The following NME7 variants were observed in gnomAD, a reference collection of about 807,000 sequenced individuals.
NME7 encodes the protein NME/NM23 family member 7, also known as nucleoside diphosphate kinase 7.
Under a neutral mutation model 49.1 loss-of-function variants are expected in NME7, and 41 were observed. The observed-to-expected ratio is 0.83, with a 90% CI of 0.65 to 1.08. NME7 has a LOEUF of 1.08. NME7 is among the 50% of genes least tolerant of loss of function. The pLI is 0.00. For missense variants in NME7, 423 were observed against 463.4 expected (o/e 0.91, Z 0.80); for synonymous variants, 139 against 150.6 (o/e 0.92, Z 0.56).
chr1:169,218,767 C>T (rs1159633858), intron 10 of NME7, among the ~76,000 whole-genome samples: 4 of 148,830 alleles, frequency 2.7e-5, no homozygotes, highest in Non-Finnish European at 4.4e-5. Flanking sequence ...AAATCCTTTG[C>T]AGAGAATACC....
intron 10 of NME7, among the ~76,000 whole-genome samples, chr1:169,198,384 A>G (rs1173661444): frequency 6.6e-6 from 1 of 152,104 alleles, no homozygotes; most frequent in African/African-American, 2.4e-5. Context: ...CTGAAAACAT[A>G]TATTCCCACA....
At chr1:169,243,039 A>C (rs1034459058) in intron 7 of NME7, among the ~76,000 whole-genome samples, 1 of 152,180 alleles carries the variant, frequency 6.6e-6, no homozygotes, top group African/African-American at 2.4e-5. Flanking sequence ...GTAGCAATAG[A>C]TAAGATTATT....
At chr1:169,159,682 G>A (rs937466778) in intron 11 of NME7, among the ~76,000 whole-genome samples, 1 of 152,076 alleles carries the variant, frequency 6.6e-6, no homozygotes, top group African/African-American at 2.4e-5. Context: ...TATCCCCTAA[G>A]GGCATCAATT....
intron 7 of NME7, among the ~76,000 whole-genome samples, chr1:169,256,334 C>G (rs556929387): frequency 7.5e-6 from 1 of 134,208 alleles, no homozygotes; most frequent in East Asian, 2.0e-4. Context: ...TCACTGAAAC[C>G]CTTTCTTCCA....
At chr1:169,250,228 C>T (rs575485700) in intron 7 of NME7, among the ~76,000 whole-genome samples, 2 of 152,066 alleles carry the variant, frequency 1.3e-5, no homozygotes, top group South Asian at 4.1e-4. Context: ...TGGAATTTAT[C>T]CATTTCCTCT....
intron 10 of NME7, among the ~76,000 whole-genome samples, chr1:169,220,348 G>T (rs12116551): frequency 0.24 from 36,712 of 152,008 alleles, 5,465 homozygotes; most frequent in Non-Finnish European, 0.34. Flanking sequence ...ATTTTAAGAG[G>T]TATACAATTA....
chr1:169,251,354 G>A (rs1298756167), intron 7 of NME7, among the ~76,000 whole-genome samples: 1 of 151,804 alleles, frequency 6.6e-6, no homozygotes, highest in Admixed American at 6.6e-5. Flanking sequence ...TATACCCTAA[G>A]TTTATATGAA....
chr1:169,289,682 G>A (rs951232694), intron 6 of NME7, among the ~76,000 whole-genome samples: 4 of 151,650 alleles, frequency 2.6e-5, no homozygotes, highest in Admixed American at 1.3e-4. Flanking sequence ...TTCTTTTCTC[G>A]CTCAATTTTT....
At chr1:169,218,485 C>A (rs1661039816) in intron 10 of NME7, among the ~76,000 whole-genome samples, 1 of 152,040 alleles carries the variant, frequency 6.6e-6, no homozygotes. Context: ...ACTCGGGATG[C>A]TGAGATGGGA....
chr1:169,232,500 A>T (rs10800421), intron 9 of NME7, among the ~76,000 whole-genome samples: 56,936 of 151,430 alleles, frequency 0.38, 11,407 homozygotes, highest in East Asian at 0.78. Context: ...TTAGGATGCA[A>T]AATAATAAAA....
At chr1:169,197,968 G>A (rs1660435578) in intron 10 of NME7, among the ~76,000 whole-genome samples, 1 of 152,028 alleles carries the variant, frequency 6.6e-6, no homozygotes, top group African/African-American at 2.4e-5. Context: ...TTATATCTCT[G>A]ATAAGGGACT....
intron 10 of NME7, among the ~76,000 whole-genome samples, chr1:169,176,904 T>C (rs995084605): frequency 6.6e-6 from 1 of 152,108 alleles, no homozygotes; most frequent in Non-Finnish European, 1.5e-5. Context: ...GCATAGAGGA[T>C]TGGGTTTTTT....
At chr1:169,140,726 TAA>T (rs57572886) in intron 11 of NME7, among the ~76,000 whole-genome samples, 16,140 of 143,124 alleles carry the variant, frequency 0.11, 2,030 homozygotes, top group East Asian at 0.6. Context: ...AGTCTATCCT[TAA>T]AAAAAAAAAA....
At chr1:169,227,609 T>A (rs1488410020) in intron 10 of NME7, among the ~76,000 whole-genome samples, 1 of 152,166 alleles carries the variant, frequency 6.6e-6, no homozygotes, top group Non-Finnish European at 1.5e-5. Flanking sequence ...ATGCATGATA[T>A]CACATGGTGA....
At chr1:169,305,547 G>C (rs1323228483) in intron 4 of NME7, among the ~76,000 whole-genome samples, 1 of 152,194 alleles carries the variant, frequency 6.6e-6, no homozygotes, top group East Asian at 1.9e-4. Flanking sequence ...TGCCAAGAAT[G>C]CAAGGACCTG....
intron 10 of NME7, 135 bp downstream of exon 10, chr1:169,230,583 C>G: frequency 4.4e-6 from 2 of 451,538 alleles, no homozygotes; most frequent in Non-Finnish European, 7.9e-6. Flanking sequence ...TATGAAGTGC[C>G]ATTTTGAATT....
At position 169,367,599 on chromosome 1, in the gene NME7, G is replaced by C. The variant is rs112682973; in HGVS notation, c.3+109C>G. 7.7e-4 allele frequency: 937 copies of C among 1,216,634 alleles called. 8 individuals carry two copies. The African/African-American group carries it at 0.012, about 16-fold the overall frequency. 75.4% of individuals were successfully genotyped at this position (1,216,634 alleles called of 1,614,324 possible). On this transcript the variant is annotated intron_variant, in intron 1 of 11. Transcript: ENST00000367811. ...TGGGAAGGGGGAAAGAGATAACGGGGAGAAGGTCGGGAGGACCGGACAACT... is the reference window on the plus strand; with the variant it reads ...TGGGAAGGGGGAAAGAGATAACGGGCAGAAGGTCGGGAGGACCGGACAACT...
At chr1:169,366,634 C>T (rs1461229560) in intron 1 of NME7, among the ~76,000 whole-genome samples, 4 of 152,180 alleles carry the variant, frequency 2.6e-5, no homozygotes, top group African/African-American at 9.7e-5. Flanking sequence ...ATATCCCTTT[C>T]TCTACACTAG....
chr1:169,245,172 A>T (rs1305803221), intron 7 of NME7, among the ~76,000 whole-genome samples: 5 of 151,848 alleles, frequency 3.3e-5, no homozygotes, highest in African/African-American at 1.2e-4. Context: ...AGAAAATCAT[A>T]GTATCTATCA....
Sources: gnomAD v4.1 joint callset for allele counts (sites outside exome capture counted in the v4.1 genomes callset) on GRCh38, gnomAD v4.1.1 for gene constraint, MANE v1.5 for transcripts, NCBI Gene and HGNC (gene_info 2026-07-23, HGNC 2026-07-21) for gene names.